SCUBE3: variants seen among roughly 807,000 people sequenced by gnomAD.
The protein encoded by SCUBE3 is signal peptide, CUB domain and EGF like domain containing 3, also known as signal peptide, CUB and EGF-like domain-containing protein 3.
In SCUBE3, 33 loss-of-function variants were observed where a neutral mutation model predicts 116.8. The observed-to-expected ratio is 0.28, with a 90% CI of 0.21 to 0.38. The LOEUF is 0.38. Ranked by LOEUF, SCUBE3 falls within the 10% of genes least tolerant of loss-of-function variation. SCUBE3 has a pLI of 1.00. For synonymous variants in SCUBE3, 418 were observed against 496.9 expected (o/e 0.84, Z 2.11); for missense variants, 1,007 against 1,324.8 (o/e 0.76, Z 3.72).
chr6:35,235,546 C>T lies in SCUBE3; in HGVS notation c.712+2245C>T. ...TCTCACTGGCTTGCTAGGGGAAGGG[C>T]TAACCCGCTGGGGCTCCCACTAACT... On this transcript the variant is annotated intron_variant, in intron 6 of 21. Coordinates refer to ENST00000274938, the MANE Select transcript of SCUBE3 (RefSeq NM_152753.4). This position sits in a 1 kb window ranked among gnomAD's most constrained non-coding sequence, Gnocchi z 4.5. 1 of 1,075,474 alleles carries T rather than the reference C, an allele frequency of 9.3e-7. No individual in the cohort carries two copies. The highest frequency in any genetic ancestry group is 1.3e-6 in the Non-Finnish European group (1 of 793,206). The allele number at this position is 1,075,474 out of a possible 1,614,324, so 66.6% of individuals were successfully genotyped here.
chr6:35,227,738 G>T, intron 2 of SCUBE3, 36 bp downstream of exon 2: 1 of 1,612,492 alleles, frequency 6.2e-7, no homozygotes, highest in South Asian at 1.1e-5. Flanking sequence ...AGAGGGACCT[G>T]TGGAAGAAGG....
chr6:35,244,669 C>T lies in SCUBE3; in HGVS notation c.2259C>T (p.His753=). The T allele has an allele frequency of 6.2e-7, 1 of 1,614,166 alleles. No individual in the cohort carries two copies. The highest frequency in any genetic ancestry group is 1.1e-5 in the South Asian group (1 of 91,084). The stretch of plus-strand genomic sequence containing the variant: ...CTACAGTCCAGTGCTCCCCAGGGCA[C>T]TACTACAACACCAGCATCCACCGCT... ...CDTKVQCSPG[H]YYNTSIHRCI... is the part of the protein sequence containing the mutation. The change falls in exon 18 of 22, where the codon CAC becomes CAT. Residue 753 remains histidine, a synonymous_variant. Coordinates refer to ENST00000274938, the MANE Select transcript of SCUBE3 (RefSeq NM_152753.4). This position sits in a 1 kb window ranked among gnomAD's most constrained non-coding sequence, Gnocchi z 4.3.
rs1008512311 is a variant in SCUBE3, at chr6:35,245,078, G to A, written c.2402-150G>A. 1.3e-6 allele frequency: 1 copy of A among 763,012 alleles called. No homozygotes were observed. The highest frequency in any genetic ancestry group is 2.3e-5 in the Admixed American group (1 of 44,238). 47.3% of individuals were successfully genotyped at this position (763,012 alleles called of 1,614,324 possible). ...GTACTAAAAGGGCAGGAAGGAAGAT[G>A]GACTCAGAGCTTGGAAAATAATGAT... On this transcript the variant is annotated intron_variant, in intron 18 of 21. Transcript: ENST00000274938. This position sits in a 1 kb window ranked among gnomAD's most constrained non-coding sequence, Gnocchi z 4.2.
chr6:35,242,767 C>A lies in SCUBE3; in HGVS notation c.1680C>A (p.Ala560=), dbSNP rs1422319239. 1 of 1,613,356 alleles carries A rather than the reference C, an allele frequency of 6.2e-7. No individual in the cohort carries two copies. Among genetic ancestry groups the A allele is most frequent in the Non-Finnish European group, 8.5e-7 (1 of 1,179,442 alleles). ...TGGAACTGGAGGCAGAGGTCAGAGC[C>A]GAAGAAACCACAGGTGGGACTGGGG... The part of the protein sequence containing the change: ...LTLELEAEVR[A]EETTASCGLP... The change falls in exon 14 of 22, where the codon GCC becomes GCA. Residue 560 remains alanine (A), a synonymous_variant. Transcript: ENST00000274938.
chr6:35,231,636 C>A lies in SCUBE3; in HGVS notation c.335-89C>A. On this transcript the variant is annotated intron_variant, in intron 3 of 21. Coordinates refer to ENST00000274938, the MANE Select transcript of SCUBE3 (RefSeq NM_152753.4). This position sits in a 1 kb window ranked among gnomAD's most constrained non-coding sequence, Gnocchi z 4.2. ...AGGCTGGGCTTAGGGGGTAGTAGTT[C>A]TTAAGACTGCCTTTGGTGCTGAAGT... The A allele has an allele frequency of 8.1e-7, 1 of 1,241,882 alleles. No homozygotes were observed. Among genetic ancestry groups the A allele is most frequent in the Non-Finnish European group, 1.1e-6 (1 of 906,674 alleles). The allele number at this position is 1,241,882 out of a possible 1,614,324, so 76.9% of individuals were successfully genotyped here. A position where few individuals can be genotyped will look rare whatever the true frequency, so the allele number is the denominator to read the frequency against.
Position 35,235,539 on chromosome 6 carries a change from G to A in SCUBE3, c.712+2238G>A. 10 of 1,151,738 alleles carry A rather than the reference G, an allele frequency of 8.7e-6. No homozygotes were observed. The highest frequency in any genetic ancestry group is 1.0e-5 in the Non-Finnish European group (9 of 862,778). 71.3% of individuals were successfully genotyped at this position (1,151,738 alleles called of 1,614,324 possible). On this transcript the variant is annotated intron_variant, in intron 6 of 21. Coordinates refer to ENST00000274938, the MANE Select transcript of SCUBE3 (RefSeq NM_152753.4). The surrounding 1 kb of genome is among the most constrained non-coding windows in gnomAD (Gnocchi z 4.5). The stretch of plus-strand genomic sequence containing the variant: ...CGCTTGCTCTCACTGGCTTGCTAGG[G>A]GAAGGGCTAACCCGCTGGGGCTCCC...
At position 35,244,221 on chromosome 6, in the gene SCUBE3, C is replaced by G. The variant is rs1581951338; in HGVS notation, c.2239+91C>G. The G allele has an allele frequency of 6.9e-6, 8 of 1,163,920 alleles. No individual in the cohort carries two copies. The highest frequency in any genetic ancestry group is 9.7e-6 in the Non-Finnish European group (8 of 822,290). 72.1% of individuals were successfully genotyped at this position (1,163,920 alleles called of 1,614,324 possible). On this transcript the variant is annotated intron_variant, in intron 17 of 21. Coordinates refer to ENST00000274938, the MANE Select transcript of SCUBE3 (RefSeq NM_152753.4). The surrounding 1 kb of genome is among the most constrained non-coding windows in gnomAD (Gnocchi z 4.3). ...TTTCCCAGAGGGGACACTGACCCAC[C>G]ATTTTCTCCAAACCAGTAATGGGCC...
chr6:35,235,329 T>C lies in SCUBE3; in HGVS notation c.712+2028T>C. 2.3e-6 allele frequency: 1 copy of C among 439,218 alleles called. No individual in the cohort carries two copies. The highest frequency in any genetic ancestry group is 4.5e-6 in the Non-Finnish European group (1 of 221,514). The allele number at this position is 439,218 out of a possible 1,614,324, so 27.2% of individuals were successfully genotyped here. ...TCATAAGGGTCCCAGGGCTCATCAT[T>C]TGGGGCTACTGGTTTGGGCTGGCAG... On this transcript the variant is annotated intron_variant, in intron 6 of 21. Coordinates refer to ENST00000274938, the MANE Select transcript of SCUBE3 (RefSeq NM_152753.4). This position sits in a 1 kb window ranked among gnomAD's most constrained non-coding sequence, Gnocchi z 4.5.
intron 12 of SCUBE3, 128 bp downstream of exon 12, chr6:35,242,038 C>T (rs1013701254): frequency 2.3e-6 from 2 of 858,444 alleles, no homozygotes; most frequent in Non-Finnish European, 2.0e-6. Flanking sequence ...ATTCTCCAAC[C>T]CTGCTCCCTC....
Position 35,232,827 on chromosome 6 carries a change from C to T in SCUBE3, c.470-23C>T. On this transcript the variant is annotated intron_variant, in intron 4 of 21. Coordinates refer to ENST00000274938, the MANE Select transcript of SCUBE3 (RefSeq NM_152753.4). The surrounding 1 kb of genome is among the most constrained non-coding windows in gnomAD (Gnocchi z 4.2). ...TAGACATCCAGGGGTACAGAGCATTCACACCCCTTTCTTCTCTTTTAGAAG... is the reference window on the plus strand; with the variant it reads ...TAGACATCCAGGGGTACAGAGCATTTACACCCCTTTCTTCTCTTTTAGAAG... 1.2e-6 allele frequency: 2 copies of T among 1,612,782 alleles called. No homozygotes were observed. The highest frequency in any genetic ancestry group is 1.3e-5 in the African/African-American group (1 of 75,004).
Position 35,235,244 on chromosome 6 carries a change from C to T in SCUBE3, c.712+1943C>T, listed in dbSNP as rs185573369. Among the ~76,000 whole-genome samples the T allele has an allele frequency of 1.3e-4, 20 of 152,076 alleles. 1 individual carries two copies. Among genetic ancestry groups the T allele is most frequent in the Admixed American group, 7.2e-4 (11 of 15,282 alleles). On this transcript the variant is annotated intron_variant, in intron 6 of 21. Transcript: ENST00000274938. This position sits in a 1 kb window ranked among gnomAD's most constrained non-coding sequence, Gnocchi z 4.5. ...ACTGTTTCAGTTTTTCAGTCACTTG[C>T]GGGGAGCTTGGCATCTTTGGGGATA...
chr6:35,244,900 C>A lies in SCUBE3; in HGVS notation c.2401+89C>A. ...GGAGGGGTGTGAAACCAACAGGGAG[C>A]AGGGCTGGGGGGTGGAGGAGCAGGA... On this transcript the variant is annotated intron_variant, in intron 18 of 21. Coordinates refer to ENST00000274938, the MANE Select transcript of SCUBE3 (RefSeq NM_152753.4). This position sits in a 1 kb window ranked among gnomAD's most constrained non-coding sequence, Gnocchi z 4.3. 3 of 1,329,290 alleles carry A rather than the reference C, an allele frequency of 2.3e-6. No individual in the cohort carries two copies. Among genetic ancestry groups the A allele is most frequent in the Non-Finnish European group, 2.1e-6 (2 of 936,178 alleles). The allele number at this position is 1,329,290 out of a possible 1,614,324, so 82.3% of individuals were successfully genotyped here.
rs768673464 is a variant in SCUBE3 at position 35,231,911 on chromosome 6, T to C, written c.469+52T>C. On this transcript the variant is annotated intron_variant, in intron 4 of 21. Transcript: ENST00000274938. This position sits in a 1 kb window ranked among gnomAD's most constrained non-coding sequence, Gnocchi z 4.2. ...ATCCCTGCCCTCCCCAGGCTTCTCT[T>C]CCCAGCTGTCCCTCAGCAGCCCCTA... 7 of 1,514,078 alleles carry C rather than the reference T, an allele frequency of 4.6e-6. No individual in the cohort carries two copies. The Admixed American group carries it at 5.3e-5, about 11-fold the overall frequency. The allele number at this position is 1,514,078 out of a possible 1,614,324, so 93.8% of individuals were successfully genotyped here.
chr6:35,243,501 C>A lies in SCUBE3; in HGVS notation c.1910-93C>A. The A allele has an allele frequency of 8.5e-7, 1 of 1,182,664 alleles. No homozygotes were observed. Among genetic ancestry groups the A allele is most frequent in the Non-Finnish European group, 1.2e-6 (1 of 844,292 alleles). 73.3% of individuals were successfully genotyped at this position (1,182,664 alleles called of 1,614,324 possible). A position where few individuals can be genotyped will look rare whatever the true frequency, so the allele number is the denominator to read the frequency against. On this transcript the variant is annotated intron_variant, in intron 15 of 21. Transcript: ENST00000274938. The surrounding 1 kb of genome is among the most constrained non-coding windows in gnomAD (Gnocchi z 6.6). ...TCCCTGACAGAGATTCTCCCTGAAT[C>A]GGGGGTTGTGGCGGGGAGTGGGAAG...
At chr6:35,220,632 CAG>C (rs1308773139) in intron 1 of SCUBE3, 2 of 152,198 alleles carry the variant, frequency 1.3e-5, no homozygotes, top group African/African-American at 2.4e-5. Context: ...GGCAGGACAA[CAG>C]AGAGAAACTC....
chr6:35,227,433 G>T, intron 1 of SCUBE3, 147 bp from the exon 2 acceptor site: 1 of 758,660 alleles, frequency 1.3e-6, no homozygotes, highest in Non-Finnish European at 2.2e-6. Context: ...TCTGAAATCA[G>T]AGAGATGTGA....
At chr6:35,247,187 C>A (rs780116683) in intron 21 of SCUBE3, among the ~76,000 whole-genome samples, 14 of 152,086 alleles carry the variant, frequency 9.2e-5, no homozygotes, top group African/African-American at 3.1e-4. Context: ...GTAATCCCAG[C>A]ACTTTGGGGG....
At chr6:35,225,906 C>T (rs1489315470) in intron 1 of SCUBE3, among the ~76,000 whole-genome samples, 2 of 152,190 alleles carry the variant, frequency 1.3e-5, no homozygotes, top group Non-Finnish European at 2.9e-5. Flanking sequence ...ATAGATCACA[C>T]TTGGATATCA....
rs1272617212 is a variant in SCUBE3 at position 35,239,601 on chromosome 6, GAA to G, written c.830-149_830-148del. 1.2e-5 allele frequency: 8 copies of G among 681,260 alleles called. No individual in the cohort carries two copies. The highest frequency in any genetic ancestry group is 1.7e-5 in the Non-Finnish European group (7 of 403,086). 42.2% of individuals were successfully genotyped at this position (681,260 alleles called of 1,614,324 possible). On this transcript the variant is annotated intron_variant, in intron 7 of 21. Coordinates refer to ENST00000274938, the MANE Select transcript of SCUBE3 (RefSeq NM_152753.4). This position sits in a 1 kb window ranked among gnomAD's most constrained non-coding sequence, Gnocchi z 4.1. ...GAAAGAGAGAGAGAGACAGGAAAGA[GAA>G]AGAGAAAGAGACAGAGAGAGATCAA...
Sources: allele counts gnomAD v4.1 joint callset (sites outside exome capture counted in the v4.1 genomes callset), GRCh38; gene constraint gnomAD v4.1.1; non-coding constraint Gnocchi (gnomAD v3.1); transcripts MANE v1.5; gene names NCBI Gene and HGNC (gene_info 2026-07-23, HGNC 2026-07-21).